Variants in COX5A observed in about 807,000 individuals in gnomAD.
COX5A encodes the protein cytochrome c oxidase subunit 5A.
Under a neutral mutation model 16.1 loss-of-function variants are expected in COX5A, and 6 were observed. That is an observed-to-expected ratio of 0.37 (90% CI 0.20 to 0.73). The LOEUF is 0.73. Among genes scored for constraint, COX5A ranks in the 30% least tolerant of loss-of-function variants. The pLI is 0.50. For missense variants in COX5A, 159 were observed against 194.9 expected, an observed-to-expected ratio of 0.82 and a Z score of 1.10; for synonymous variants, 73 against 73.8, an observed-to-expected ratio of 0.99 and a Z score of 0.06.
chr15:74,920,549 T>A (rs1035067689), intron 4 of COX5A, 107 bp from the exon 5 acceptor site: 5 of 633,022 alleles, frequency 7.9e-6, no homozygotes, highest in African/African-American at 1.9e-5. Context: ...TGTCTCTCTG[T>A]ACCCTTTACT....
At position 74,920,458 on chromosome 15, in the gene COX5A, C is replaced by T; in HGVS notation, c.*10-16G>A. 1.5e-6 allele frequency: 1 copy of T among 688,666 alleles called. No individual in the cohort carries two copies. The highest frequency in any genetic ancestry group is 1.8e-5 in the African/African-American group (1 of 56,526). 42.7% of individuals were successfully genotyped at this position (688,666 alleles called of 1,614,324 possible). On this transcript the variant is annotated splice_polypyrimidine_tract_variant and intron_variant, in intron 4 of 4. Transcript: ENST00000322347. ...GGAAGCCCATCTGTAAGAGAAAACA[C>T]AAAGAATTAGCCAGGAAAGAATAAA...
At chr15:74,927,930 A>G (rs1229875508) in intron 2 of COX5A, among the ~76,000 whole-genome samples, 1 of 152,220 alleles carries the variant, frequency 6.6e-6, no homozygotes, top group Non-Finnish European at 1.5e-5. Context: ...ACTCATAAAC[A>G]TTCAACCAGA....
intron 1 of COX5A, among the ~76,000 whole-genome samples, chr15:74,935,288 TCAAAAA>T (rs1197808239): frequency 6.7e-6 from 1 of 148,526 alleles, no homozygotes; most frequent in Non-Finnish European, 1.5e-5. Context: ...AGACCCTGTC[TCAAAAA>T]CAAAAACAAA....
chr15:74,920,499 T>G (rs1006424303), intron 4 of COX5A, 57 bp from the exon 5 acceptor site: 9 of 675,490 alleles, frequency 1.3e-5, no homozygotes, highest in Admixed American at 2.4e-5. Context: ...AGTAGAAATC[T>G]TTTAAAAATA....
At chr15:74,921,563 C>A (rs2065321224) in intron 4 of COX5A, among the ~76,000 whole-genome samples, 1 of 151,738 alleles carries the variant, frequency 6.6e-6, no homozygotes, top group South Asian at 2.1e-4. Context: ...AACCCGGTCT[C>A]TACTAAAAAT....
chr15:74,927,821 A>G (rs2065350718), intron 2 of COX5A, among the ~76,000 whole-genome samples: 1 of 152,158 alleles, frequency 6.6e-6, no homozygotes, highest in Admixed American at 6.6e-5. Flanking sequence ...AAGAGATTCA[A>G]CTGGAAAACA....
intron 3 of COX5A, among the ~76,000 whole-genome samples, chr15:74,926,124 T>C (rs1488218025): frequency 1.3e-5 from 2 of 149,626 alleles, no homozygotes; most frequent in African/African-American, 4.9e-5. Context: ...ACTGCAAGCT[T>C]TGCCTCCCGG....
chr15:74,930,782 C>A (rs1222579597), intron 1 of COX5A, among the ~76,000 whole-genome samples: 1 of 149,916 alleles, frequency 6.7e-6, no homozygotes, highest in Non-Finnish European at 1.5e-5. Context: ...CTTTGGGAGG[C>A]CGAGATGGGC....
In COX5A at chr15:74,926,848, G is replaced by C; in HGVS notation, c.257C>G (p.Pro86Arg). The C allele has an allele frequency of 6.2e-7, 1 of 1,613,838 alleles. No individual in the cohort carries two copies. The highest frequency in any genetic ancestry group is 8.5e-7 in the Non-Finnish European group (1 of 1,179,912). Residue 86 changes from proline (P) to arginine (R), a missense_variant, in exon 3 of 5, where the codon CCC (proline) becomes CGC (arginine). Coordinates refer to ENST00000322347, the MANE Select transcript of COX5A (RefSeq NM_004255.4). ...CCGCAAAGCAGCATCAATGATTTTG[G>C]GCTCTGGAACCATATCATAGGTAAC... ...TLVTYDMVPE[P>R]KIIDAALRAC...
At chr15:74,937,702 A>C in intron 1 of COX5A, 1 of 363,084 alleles carries the variant, frequency 2.8e-6, no homozygotes. Context: ...CCGCGGTGGC[A>C]CAGCCAGGAA....
chr15:74,934,032 C>G (rs2065378074), intron 1 of COX5A, among the ~76,000 whole-genome samples: 1 of 152,162 alleles, frequency 6.6e-6, no homozygotes, highest in African/African-American at 2.4e-5. Flanking sequence ...GAGGCCAAGG[C>G]AGGATCGCTT....
At chr15:74,934,882 G>C (rs2065382152) in intron 1 of COX5A, among the ~76,000 whole-genome samples, 1 of 152,130 alleles carries the variant, frequency 6.6e-6, no homozygotes, top group Non-Finnish European at 1.5e-5. Context: ...AAAAGAAGCA[G>C]CTGTGAAAAA....
chr15:74,922,858 G>C (rs1242447684), intron 4 of COX5A, among the ~76,000 whole-genome samples: 1 of 151,642 alleles, frequency 6.6e-6, no homozygotes, highest in African/African-American at 2.4e-5. Flanking sequence ...TAGAGACAAG[G>C]TTTCACCATG....
intron 4 of COX5A, 21 bp from the exon 5 acceptor site, chr15:74,920,463 A>T (rs770567866): frequency 1.5e-6 from 1 of 685,408 alleles, no homozygotes; most frequent in Non-Finnish European, 2.6e-6. Flanking sequence ...AAACACAAAG[A>T]ATTAGCCAGG....
At chr15:74,933,419 A>AT (rs1238161758) in intron 1 of COX5A, among the ~76,000 whole-genome samples, 2 of 143,394 alleles carry the variant, frequency 1.4e-5, no homozygotes, top group Non-Finnish European at 3.1e-5. Context: ...AAAAAAAAAA[A>AT]TATCTATCTA....
chr15:74,924,921 G>T (rs2065336648), intron 3 of COX5A, among the ~76,000 whole-genome samples: 1 of 152,288 alleles, frequency 6.6e-6, no homozygotes, highest in Middle Eastern at 3.4e-3. Flanking sequence ...ATGGAGAGCT[G>T]TACTTTGAGA....
intron 4 of COX5A, among the ~76,000 whole-genome samples, chr15:74,922,384 CAAA>C (rs200528837): frequency 1.4e-5 from 1 of 71,790 alleles, no homozygotes; most frequent in Admixed American, 1.6e-4. Flanking sequence ...GACTCCGTCT[CAAA>C]AAAAAAAAAA....
intron 1 of COX5A, among the ~76,000 whole-genome samples, chr15:74,929,669 C>A (rs1422093252): frequency 6.6e-6 from 1 of 152,198 alleles, no homozygotes; most frequent in Non-Finnish European, 1.5e-5. Context: ...GAGGCTGAGG[C>A]AGGAAGATTA....
rs772344818 is a variant in COX5A, at chr15:74,925,257, C to A, written c.340-1487G>T. Among the ~76,000 whole-genome samples the A allele has an allele frequency of 2.4e-4, 37 of 152,062 alleles. 1 individual carries two copies. Among genetic ancestry groups the A allele is most frequent in the Middle Eastern group, 3.4e-3 (1 of 294 alleles). ...CTCGGAGGTTGCAGTGAGCTGAGAT[C>A]ACGCAATGATTGCACTCCAGCTTGG... On this transcript the variant is annotated intron_variant, in intron 3 of 4. Transcript: ENST00000322347.
Sources: gnomAD v4.1 joint callset for allele counts (sites outside exome capture counted in the v4.1 genomes callset) on GRCh38, gnomAD v4.1.1 for gene constraint, MANE v1.5 for transcripts, NCBI Gene and HGNC (gene_info 2026-07-23, HGNC 2026-07-21) for gene names.